The following WDPCP variants were observed in gnomAD, a reference collection of about 807,000 sequenced individuals.
WDPCP encodes the protein WD repeat-containing and planar cell polarity effector protein fritz homolog.
In WDPCP, 71 loss-of-function variants were observed where a neutral mutation model predicts 93.1. The ratio of observed to expected loss-of-function variants is 0.76; its 90% confidence interval spans 0.63 to 0.93. The LOEUF (loss-of-function observed/expected upper bound fraction) is 0.93, where lower values mean the gene tolerates loss of function less well. WDPCP is among the 40% of genes least tolerant of loss of function. The pLI is 0.00. For synonymous variants in WDPCP, 315 were observed against 315.0 expected (o/e 1.00, Z 0.00); for missense variants, 844 against 887.4 (o/e 0.95, Z 0.62).
chr2:63,367,957 C>T (rs1421895405), intron 12 of WDPCP, among the ~76,000 whole-genome samples: 1 of 152,180 alleles, frequency 6.6e-6, no homozygotes, highest in Non-Finnish European at 1.5e-5. Context: ...CTGAGGCCCA[C>T]AAACAATGTG....
chr2:63,349,552 G>T (rs1019435378), intron 12 of WDPCP, among the ~76,000 whole-genome samples: 14 of 151,916 alleles, frequency 9.2e-5, no homozygotes, highest in Non-Finnish European at 1.2e-4. Flanking sequence ...AAAATTAAAG[G>T]TTTATTGGCA....
intron 17 of WDPCP, among the ~76,000 whole-genome samples, chr2:63,134,513 GTTT>G (rs1670488542): frequency 1.3e-5 from 2 of 152,108 alleles, no homozygotes; most frequent in Non-Finnish European, 1.5e-5. Flanking sequence ...TACACATATT[GTTT>G]TCATAGAATG....
intron 14 of WDPCP, among the ~76,000 whole-genome samples, chr2:63,221,556 A>G (rs1028927813): frequency 2.0e-5 from 3 of 152,234 alleles, no homozygotes; most frequent in African/African-American, 7.2e-5. Context: ...GGTATTTAGA[A>G]GACAGTTCAG....
At chr2:63,828,073 T>G (rs558187799), upstream of WDPCP, among the ~76,000 whole-genome samples, 1 of 152,292 alleles carries the variant, frequency 6.6e-6, no homozygotes, top group Non-Finnish European at 1.5e-5. Context: ...AGGGGCCATC[T>G]TTAACCCATT....
intron 15 of WDPCP, among the ~76,000 whole-genome samples, chr2:63,172,411 G>T (rs1673457966): frequency 6.6e-6 from 1 of 152,110 alleles, no homozygotes; most frequent in Non-Finnish European, 1.5e-5. Context: ...GGGAGGCTGA[G>T]GTGGGATAAT....
Position 63,502,683 on chromosome 2 carries a change from T to C in WDPCP, c.76-9743A>G, listed in dbSNP as rs116249577. ...TTTATCCCTATGTGTGTATGAATAA[T>C]ATTAATCCTTTGTTATGAAGTTTGT... On this transcript the variant is annotated intron_variant, in intron 1 of 17. Coordinates refer to ENST00000272321, the MANE Select transcript of WDPCP (RefSeq NM_015910.7). Among the ~76,000 whole-genome samples the C allele has an allele frequency of 9.1e-3, 1,387 of 152,280 alleles. 18 individuals carry two copies. Among genetic ancestry groups the C allele is most frequent in the Non-Finnish European group, 0.012 (849 of 68,020 alleles).
Position 63,754,831 on chromosome 2 carries a change from C to A in WDPCP, n.308+58791G>T, listed in dbSNP as rs190537906. Among the ~76,000 whole-genome samples, 28 of 152,292 alleles carry A rather than the reference C, an allele frequency of 1.8e-4. No individual in the cohort carries two copies. The East Asian group carries it at 5.2e-3, about 28-fold the overall frequency. The stretch of plus-strand genomic sequence containing the variant: ...TAACAAACTTAGCAGCTTAAAACAA[C>A]AATTAATATTTATTATCTCATTGTT... On this transcript the variant is annotated intron_variant and non_coding_transcript_variant, in intron 2 of 4. Transcript: ENST00000467687.
chr2:63,423,379 A>G (rs1696017891), intron 9 of WDPCP, among the ~76,000 whole-genome samples: 1 of 152,178 alleles, frequency 6.6e-6, no homozygotes, highest in African/African-American at 2.4e-5. Context: ...ATTGTGACAA[A>G]TTACATTAAT....
intron 2 of WDPCP, among the ~76,000 whole-genome samples, chr2:63,689,102 G>A (rs1246708960): frequency 6.6e-6 from 1 of 152,142 alleles, no homozygotes; most frequent in African/African-American, 2.4e-5. Context: ...GTGGTATTCT[G>A]TTTTAACAAC....
intron 3 of WDPCP, chr2:63,605,687 G>T: frequency 1.7e-6 from 1 of 588,758 alleles, no homozygotes. Flanking sequence ...TTTCTTCTAT[G>T]CCACAGCTTC....
At chr2:63,505,112 CA>C (rs1483954200) in intron 1 of WDPCP, among the ~76,000 whole-genome samples, 1 of 152,014 alleles carries the variant, frequency 6.6e-6, no homozygotes, top group Admixed American at 6.6e-5. Flanking sequence ...GAAATGTAAA[CA>C]AGCCCTAAAT....
intron 10 of WDPCP, among the ~76,000 whole-genome samples, chr2:63,398,779 A>G (rs1345683028): frequency 3.3e-5 from 5 of 150,052 alleles, no homozygotes; most frequent in Admixed American, 3.3e-4. Flanking sequence ...AAAAAAAAAA[A>G]TCTCATAAAT....
At position 63,398,766 on chromosome 2, in the gene WDPCP, GAA is replaced by G. The variant is rs35826419; in HGVS notation, c.1435+5280_1435+5281del. On this transcript the variant is annotated intron_variant, in intron 10 of 17. Transcript: ENST00000272321. ...CCAAAGGCTTGCATAACAAGCATCT[GAA>G]AAAAAAAAAAATCTCATAAATGCTC... Among the ~76,000 whole-genome samples the G allele has an allele frequency of 4.3e-3, 640 of 147,460 alleles. 6 individuals are homozygous for G. Among genetic ancestry groups the G allele is most frequent in the African/African-American group, 0.014 (577 of 40,200 alleles).
chr2:63,700,282 CAAAAAAA>C (rs1196006011), intron 2 of WDPCP, among the ~76,000 whole-genome samples: 2 of 41,574 alleles, frequency 4.8e-5, no homozygotes, highest in Non-Finnish European at 8.8e-5. Flanking sequence ...GACCCTGTCT[CAAAAAAA>C]AAAAAAAAAA....
intron 1 of WDPCP, among the ~76,000 whole-genome samples, chr2:63,533,514 C>A (rs954276084): frequency 2.6e-5 from 4 of 152,184 alleles, no homozygotes; most frequent in African/African-American, 7.2e-5. Flanking sequence ...AACAGTCTCT[C>A]AGACCACAGT....
At chr2:63,191,669 A>C (rs1017797886) in intron 14 of WDPCP, among the ~76,000 whole-genome samples, 1 of 152,176 alleles carries the variant, frequency 6.6e-6, no homozygotes, top group African/African-American at 2.4e-5. Flanking sequence ...ATCAAGGCTG[A>C]ATATCTGTTC....
chr2:63,238,301 G>A (rs778649402), intron 14 of WDPCP, among the ~76,000 whole-genome samples: 26 of 152,158 alleles, frequency 1.7e-4, no homozygotes, highest in Non-Finnish European at 3.7e-4. Flanking sequence ...ATGTTGTAAA[G>A]CTGCAGTTTC....
chr2:63,137,772 T>C (rs183023394), intron 17 of WDPCP, among the ~76,000 whole-genome samples: 121 of 152,314 alleles, frequency 7.9e-4, no homozygotes, highest in African/African-American at 2.7e-3. Flanking sequence ...TTTCTACATA[T>C]AGCTAGCTAC....
At chr2:63,511,433 G>T (rs1320005447) in intron 1 of WDPCP, among the ~76,000 whole-genome samples, 7 of 152,020 alleles carry the variant, frequency 4.6e-5, no homozygotes, top group Non-Finnish European at 8.8e-5. Context: ...AGAGCCCGTA[G>T]AGCCAAGACA....
Sources: allele counts gnomAD v4.1 joint callset (sites outside exome capture counted in the v4.1 genomes callset), GRCh38; gene constraint gnomAD v4.1.1; transcripts MANE v1.5; gene names NCBI Gene and HGNC (gene_info 2026-07-23, HGNC 2026-07-21).